Variants in LRRFIP2 observed in about 807,000 individuals in gnomAD.
LRRFIP2 encodes the protein leucine-rich repeat flightless-interacting protein 2.
A neutral mutation model predicts 125.9 loss-of-function variants in LRRFIP2; 109 were observed. The ratio of observed to expected loss-of-function variants is 0.87; its 90% CI spans 0.74 to 1.01. LRRFIP2 has a LOEUF of 1.01. LRRFIP2 is among the 50% of genes least tolerant of loss of function. The probability of loss-of-function intolerance (pLI) is 0.00; values close to 1 mark genes in which losing one functional copy is unlikely to be tolerated. For missense variants in LRRFIP2, 850 were observed against 862.3 expected, an observed-to-expected ratio of 0.99 and a Z score of 0.18; for synonymous variants, 291 against 293.1, an observed-to-expected ratio of 0.99 and a Z score of 0.07.
intron 23 of LRRFIP2, chr3:37,065,287 A>G (rs2148772238): frequency 4.7e-6 from 1 of 212,604 alleles, no homozygotes; most frequent in Admixed American, 5.0e-5. Flanking sequence ...GGTTAAATTT[A>G]AGAGGTTTAG....
rs376901619 is a variant in LRRFIP2, at chr3:37,154,476, G to T, written c.-55-5438C>A. The T allele has an allele frequency of 7.2e-5, 11 of 152,220 alleles. No homozygotes were observed. The East Asian group carries it at 1.9e-3, about 27-fold the overall frequency. 9.4% of individuals were successfully genotyped at this position (152,220 alleles called of 1,614,324 possible). On this transcript the variant is annotated intron_variant, in intron 1 of 27. Coordinates refer to ENST00000336686, the MANE Select transcript of LRRFIP2 (RefSeq NM_006309.4). ...AACTCCTTCCAGTGTTTCCTTGGTG[G>T]TATCAAACAACTTAAAGAACTAAAC...
At chr3:37,163,364 A>C (rs1281363574) in intron 1 of LRRFIP2, among the ~76,000 whole-genome samples, 1 of 152,088 alleles carries the variant, frequency 6.6e-6, no homozygotes, top group Non-Finnish European at 1.5e-5. Context: ...TAGCCATTTG[A>C]CTCAGTTCTA....
chr3:37,063,297 T>C (rs1478769682), intron 24 of LRRFIP2, among the ~76,000 whole-genome samples: 1 of 152,120 alleles, frequency 6.6e-6, no homozygotes, highest in Non-Finnish European at 1.5e-5. Flanking sequence ...AAAATAAGTA[T>C]GTGTGTGGCA....
chr3:37,132,628 C>A (rs530387182), intron 2 of LRRFIP2, among the ~76,000 whole-genome samples: 22 of 152,292 alleles, frequency 1.4e-4, no homozygotes, highest in Non-Finnish European at 2.6e-4. Flanking sequence ...TTATCTGGTT[C>A]TTTCTATACA....
intron 3 of LRRFIP2, 56 bp downstream of exon 3, chr3:37,129,007 C>T: frequency 6.9e-7 from 1 of 1,458,374 alleles, no homozygotes; most frequent in Non-Finnish European, 9.6e-7. Context: ...ATAAACTAGC[C>T]AAGTACTGAT....
intron 2 of LRRFIP2, chr3:37,134,585 G>T: frequency 1.9e-6 from 1 of 519,476 alleles, no homozygotes; most frequent in Non-Finnish European, 3.8e-6. Flanking sequence ...CCACCTCCGG[G>T]ATAACCAGGA....
chr3:37,076,646 C>T (rs1287895607), intron 19 of LRRFIP2, among the ~76,000 whole-genome samples: 3 of 152,180 alleles, frequency 2.0e-5, no homozygotes, highest in Non-Finnish European at 4.4e-5. Context: ...GTGGGCGGAT[C>T]ACCTGAGGTC....
intron 25 of LRRFIP2, among the ~76,000 whole-genome samples, chr3:37,058,044 A>C (rs1463980817): frequency 6.6e-6 from 1 of 152,156 alleles, no homozygotes; most frequent in Non-Finnish European, 1.5e-5. Flanking sequence ...GAAACTACTC[A>C]ATTTAGTGTG....
At chr3:37,101,130 G>C (rs575341981) in intron 15 of LRRFIP2, among the ~76,000 whole-genome samples, 113 of 152,122 alleles carry the variant, frequency 7.4e-4, no homozygotes, top group Admixed American at 3.1e-3. Flanking sequence ...GGCTGAGGTG[G>C]GTGGACCATG....
At chr3:37,159,386 T>C (rs1296105082) in intron 1 of LRRFIP2, among the ~76,000 whole-genome samples, 2 of 152,248 alleles carry the variant, frequency 1.3e-5, no homozygotes, top group African/African-American at 4.8e-5. Context: ...TTGATTCACA[T>C]AGCTTTGCAG....
chr3:37,086,812 T>C (rs781313018), intron 18 of LRRFIP2, among the ~76,000 whole-genome samples: 11 of 152,246 alleles, frequency 7.2e-5, no homozygotes, highest in Non-Finnish European at 1.2e-4. Flanking sequence ...TAAATTCTTA[T>C]GGAATGTGAA....
intron 21 of LRRFIP2, 138 bp from the exon 22 acceptor site, chr3:37,066,463 C>G: frequency 1.4e-6 from 1 of 695,920 alleles, no homozygotes; most frequent in Non-Finnish European, 2.6e-6. Context: ...TGGAAACAAA[C>G]AGTCAGATAT....
chr3:37,055,352 C>T (rs770213962), intron 25 of LRRFIP2, among the ~76,000 whole-genome samples, 187 bp from the exon 26 acceptor site: 2 of 152,030 alleles, frequency 1.3e-5, no homozygotes, highest in Non-Finnish European at 2.9e-5. Flanking sequence ...ATCATGAGGT[C>T]AAGAGATAGA....
At chr3:37,153,477 T>C (rs1365540446) in intron 1 of LRRFIP2, among the ~76,000 whole-genome samples, 1 of 152,112 alleles carries the variant, frequency 6.6e-6, no homozygotes, top group Non-Finnish European at 1.5e-5. Context: ...TTAAACATAA[T>C]ATGCCATACT....
chr3:37,053,794 G>T lies in LRRFIP2; in HGVS notation c.*57C>A. 1 of 1,157,274 alleles carries T rather than the reference G, an allele frequency of 8.6e-7. No homozygotes were observed. The highest frequency in any genetic ancestry group is 1.3e-6 in the Non-Finnish European group (1 of 764,782). 71.7% of individuals were successfully genotyped at this position (1,157,274 alleles called of 1,614,324 possible). Reference sequence around the variant, plus strand: ...AAGGGGTTTGTGTCAATGGACAAAAGTCAGTCCCTCTAGGTAGGGCCCCAA... The same window carrying T: ...AAGGGGTTTGTGTCAATGGACAAAATTCAGTCCCTCTAGGTAGGGCCCCAA... On this transcript the variant is annotated 3_prime_UTR_variant, in exon 28 of 28. Coordinates refer to ENST00000336686, the MANE Select transcript of LRRFIP2 (RefSeq NM_006309.4).
chr3:37,069,948 A>T (rs1293938647), intron 21 of LRRFIP2, among the ~76,000 whole-genome samples: 7 of 152,204 alleles, frequency 4.6e-5, no homozygotes, highest in Admixed American at 3.9e-4. Context: ...GGCTATGACT[A>T]TAAAAAGGCA....
At chr3:37,141,824 C>T (rs751114409) in intron 2 of LRRFIP2, among the ~76,000 whole-genome samples, 2 of 152,150 alleles carry the variant, frequency 1.3e-5, no homozygotes, top group Non-Finnish European at 2.9e-5. Context: ...TCAGGACAGC[C>T]AGGGTTTGGC....
chr3:37,138,750 A>T (rs1349136579), intron 2 of LRRFIP2, among the ~76,000 whole-genome samples: 1 of 152,208 alleles, frequency 6.6e-6, no homozygotes, highest in Non-Finnish European at 1.5e-5. Context: ...CAGTAGGAAA[A>T]CTAACACAGA....
At chr3:37,148,119 C>A (rs1166401050) in intron 2 of LRRFIP2, among the ~76,000 whole-genome samples, 1 of 152,254 alleles carries the variant, frequency 6.6e-6, no homozygotes, top group East Asian at 1.9e-4. Context: ...ATAATATAGT[C>A]ATCATATCTT....
Sources: allele counts gnomAD v4.1 joint callset (sites outside exome capture counted in the v4.1 genomes callset), GRCh38; gene constraint gnomAD v4.1.1; transcripts MANE v1.5; gene names NCBI Gene and HGNC (gene_info 2026-07-23, HGNC 2026-07-21).